The following DPP6 variants were observed in gnomAD, a reference collection of about 807,000 sequenced individuals.
DPP6 encodes the protein dipeptidyl peptidase like 6.
A neutral mutation model predicts 122.6 loss-of-function variants in DPP6; 69 were observed. The ratio of observed to expected loss-of-function variants is 0.56; its 90% CI spans 0.46 to 0.69. The LOEUF (loss-of-function observed/expected upper bound fraction) is 0.69. Among genes scored for constraint, DPP6 ranks in the 30% least tolerant of loss-of-function variants. The pLI, the probability that DPP6 is intolerant of heterozygous loss-of-function variation, is 0.00. For synonymous variants in DPP6, 418 were observed against 433.1 expected, an observed-to-expected ratio of 0.97 and a Z score of 0.43; for missense variants, 928 against 1,116.9, an observed-to-expected ratio of 0.83 and a Z score of 2.41.
At chr7:154,699,857 G>A (rs953910402) in intron 7 of DPP6, among the ~76,000 whole-genome samples, 3 of 152,304 alleles carry the variant, frequency 2.0e-5, no homozygotes, top group Non-Finnish European at 4.4e-5. Context: ...AGTCAGAACA[G>A]CACCTTCCTT....
intron 10 of DPP6, among the ~76,000 whole-genome samples, chr7:154,780,346 G>A (rs1202933946): frequency 6.6e-6 from 1 of 152,242 alleles, no homozygotes; most frequent in Non-Finnish European, 1.5e-5. Flanking sequence ...AGTTTCTGGT[G>A]AAGAAAGTAC....
the DPP6 span, among the ~76,000 whole-genome samples, chr7:153,792,322 T>G: frequency 2.6e-5 from 4 of 152,248 alleles, no homozygotes; most frequent in East Asian, 7.7e-4. Flanking sequence ...CTGATCAATT[T>G]GGAGAGAATC....
At chr7:153,818,606 G>A in the DPP6 span, among the ~76,000 whole-genome samples, 1 of 151,880 alleles carries the variant, frequency 6.6e-6, no homozygotes, top group Admixed American at 6.6e-5. Flanking sequence ...GTAAAACAAT[G>A]ACACATTTAT....
intron 1 of DPP6, among the ~76,000 whole-genome samples, chr7:154,173,257 C>T (rs1797627098): frequency 6.6e-6 from 1 of 152,112 alleles, no homozygotes; most frequent in South Asian, 2.1e-4. Flanking sequence ...AGACTCATCA[C>T]AATTTGTTTT....
chr7:154,770,976 T>G (rs1796216131), intron 9 of DPP6, among the ~76,000 whole-genome samples: 1 of 152,238 alleles, frequency 6.6e-6, no homozygotes, highest in Non-Finnish European at 1.5e-5. Context: ...AGCAGTTTCC[T>G]GCCTGCACCC....
At chr7:154,873,237 G>A (rs2150643146) in intron 19 of DPP6, among the ~76,000 whole-genome samples, 1 of 152,308 alleles carries the variant, frequency 6.6e-6, no homozygotes. Flanking sequence ...TCTGATTAGG[G>A]AACTCAGTGC....
At position 154,439,986 on chromosome 7, in the gene DPP6, G is replaced by A. The variant is rs561218300; in HGVS notation, c.244-6228G>A. 5.9e-5 allele frequency among the ~76,000 whole-genome samples: 9 copies of A among 152,314 alleles called. No individual in the cohort carries two copies. The East Asian group carries it at 9.7e-4, about 16-fold the overall frequency. ...GACGTCCCTTCTCCACATGGAGGAC[G>A]TGGTGGACACTGCCCAGGGGAAGAG... is the stretch of plus-strand genomic sequence containing the variant. On this transcript the variant is annotated intron_variant, in intron 1 of 25. Transcript: ENST00000377770.
chr7:154,007,988 G>A (rs1181029858), intron 1 of DPP6, among the ~76,000 whole-genome samples: 1 of 152,194 alleles, frequency 6.6e-6, no homozygotes, highest in Non-Finnish European at 1.5e-5. Flanking sequence ...CGGAGTGTGG[G>A]CAGTGTCCTC....
chr7:154,769,939 C>T (rs1295842769), intron 9 of DPP6, among the ~76,000 whole-genome samples: 1 of 152,084 alleles, frequency 6.6e-6, no homozygotes, highest in Non-Finnish European at 1.5e-5. Flanking sequence ...TCCATCTGCC[C>T]CTGGTCCCCT....
intron 5 of DPP6, among the ~76,000 whole-genome samples, chr7:154,581,580 T>C (rs1238460688): frequency 1.3e-5 from 2 of 152,244 alleles, no homozygotes; most frequent in East Asian, 3.9e-4. Flanking sequence ...CCACATGATC[T>C]GACCTGGGGG....
In DPP6 at chr7:154,466,317, C is replaced by A. The variant is rs148272795; in HGVS notation, c.359-8622C>A. On this transcript the variant is annotated intron_variant, in intron 2 of 25. Transcript: ENST00000377770. ...CATGTATACCTATATAACACACCTG[C>A]ACATTCTGCACATGTATCCCAGAAC... is the stretch of plus-strand genomic sequence containing the variant. 7.1e-3 allele frequency among the ~76,000 whole-genome samples: 1,074 copies of A among 152,224 alleles called. 11 individuals are homozygous for A. The highest frequency in any genetic ancestry group is 0.024 in the African/African-American group (1,011 of 41,550).
intron 1 of DPP6, among the ~76,000 whole-genome samples, chr7:154,162,391 A>T (rs1585523255): frequency 6.6e-6 from 1 of 152,242 alleles, no homozygotes; most frequent in Non-Finnish European, 1.5e-5. Context: ...TGCCATAGAC[A>T]TTCATTTTTC....
intron 10 of DPP6, among the ~76,000 whole-genome samples, chr7:154,787,130 G>C (rs908227186): frequency 6.6e-6 from 1 of 152,208 alleles, no homozygotes; most frequent in African/African-American, 2.4e-5. Context: ...ACTAACTTAA[G>C]TTGGAGACTT....
intron 1 of DPP6, among the ~76,000 whole-genome samples, chr7:153,966,074 G>A (rs1162294810): frequency 1.6e-5 from 2 of 126,384 alleles, no homozygotes; most frequent in Non-Finnish European, 3.4e-5. Context: ...TCATCCTGAC[G>A]TAGTGACAGA....
intron 1 of DPP6, among the ~76,000 whole-genome samples, chr7:154,161,230 A>G (rs1291076494): frequency 4.6e-5 from 7 of 152,288 alleles, no homozygotes; most frequent in Non-Finnish European, 8.8e-5. Context: ...ATAAGAACAC[A>G]TTACCTTTGT....
intron 7 of DPP6, among the ~76,000 whole-genome samples, chr7:154,715,078 T>C (rs1176672607): frequency 2.0e-5 from 3 of 152,196 alleles, no homozygotes; most frequent in African/African-American, 7.2e-5. Context: ...TTTTATTTTA[T>C]TTTTTGAGAT....
Position 154,164,688 on chromosome 7 carries a change from A to G in DPP6, c.243+111625A>G, listed in dbSNP as rs375349336. Among the ~76,000 whole-genome samples, 9 of 151,846 alleles carry G rather than the reference A, an allele frequency of 5.9e-5. No individual in the cohort carries two copies. The East Asian group carries it at 1.2e-3, about 20-fold the overall frequency. On this transcript the variant is annotated intron_variant, in intron 1 of 25. Coordinates refer to ENST00000377770, the MANE Select transcript of DPP6 (RefSeq NM_130797.4). ...GCTTTCTGTCTCTGTGGATTTGCCT[A>G]CTCTGGCCGTGTCATATAAATGGAG...
chr7:154,702,874 C>G (rs1375586599), intron 7 of DPP6, among the ~76,000 whole-genome samples: 1 of 152,246 alleles, frequency 6.6e-6, no homozygotes. Context: ...ATGATGCCAT[C>G]TAGGACTTTC....
chr7:154,038,277 C>A (rs1799629194), intron 1 of DPP6, among the ~76,000 whole-genome samples: 1 of 119,202 alleles, frequency 8.4e-6, no homozygotes, highest in Non-Finnish European at 1.7e-5. Context: ...GGAGTCTGTC[C>A]TCTACTGGGG....
Sources: gnomAD v4.1 joint callset for allele counts (sites outside exome capture counted in the v4.1 genomes callset) on GRCh38, gnomAD v4.1.1 for gene constraint, MANE v1.5 for transcripts, NCBI Gene and HGNC (gene_info 2026-07-23, HGNC 2026-07-21) for gene names.